The following PIK3R6 variants were observed in gnomAD, a reference collection of about 807,000 sequenced individuals.
The protein encoded by PIK3R6 is phosphoinositide 3-kinase regulatory subunit 6.
A neutral mutation model predicts 84.9 loss-of-function variants in PIK3R6; 91 were observed. The observed-to-expected ratio is 1.07, with a 90% confidence interval of 0.90 to 1.28. PIK3R6 has a LOEUF of 1.28. PIK3R6 is among the 50% of genes most tolerant of loss of function. The pLI is 0.00. For missense variants in PIK3R6, 996 were observed against 985.1 expected, an observed-to-expected ratio of 1.01 and a Z score of -0.15; for synonymous variants, 416 against 411.4, an observed-to-expected ratio of 1.01 and a Z score of -0.13.
At chr17:8,823,892 C>A (rs28480531) in intron 13 of PIK3R6, among the ~76,000 whole-genome samples, 2,493 of 152,262 alleles carry the variant, frequency 0.016, 41 homozygotes, top group African/African-American at 0.04. Flanking sequence ...CTCTATGAGG[C>A]CCGAGTGTCC....
intron 2 of PIK3R6, among the ~76,000 whole-genome samples, chr17:8,841,301 A>G (rs543264222): frequency 6.6e-5 from 10 of 152,270 alleles, no homozygotes; most frequent in Non-Finnish European, 1.3e-4. Context: ...CTTCTTCACT[A>G]GGGCTCAGCC....
chr17:8,858,756 C>T (rs900673230), intron 1 of PIK3R6, among the ~76,000 whole-genome samples: 1 of 152,170 alleles, frequency 6.6e-6, no homozygotes, highest in African/African-American at 2.4e-5. Context: ...ATGTATGATT[C>T]CTCATTTCAG....
At chr17:8,857,463 CCT>C (rs35872435) in intron 1 of PIK3R6, among the ~76,000 whole-genome samples, 37,062 of 151,974 alleles carry the variant, frequency 0.24, 5,277 homozygotes, top group Non-Finnish European at 0.31. Context: ...ACAGAACCCC[CCT>C]CTGTCTTTGT....
rs1021717010 is a variant in PIK3R6, at chr17:8,838,802, T to G, written c.98-147A>C. The G allele has an allele frequency of 4.4e-6, 3 of 684,880 alleles. No homozygotes were observed. In the African/African-American group the frequency reaches 5.4e-5, roughly 12 times the overall value. 42.4% of individuals were successfully genotyped at this position (684,880 alleles called of 1,614,324 possible). A position where few individuals can be genotyped will look rare whatever the true frequency, so the allele number is the denominator to read the frequency against. Reference sequence around the variant, plus strand: ...CCCGCCACCAGCGCTTGGCTCCAGGTGCACCTGGGTGGGCTCCTCCCAAGT... The same window carrying G: ...CCCGCCACCAGCGCTTGGCTCCAGGGGCACCTGGGTGGGCTCCTCCCAAGT... On this transcript the variant is annotated intron_variant, in intron 3 of 19. Coordinates refer to ENST00000619866, the MANE Select transcript of PIK3R6 (RefSeq NM_001010855.4).
intron 1 of PIK3R6, among the ~76,000 whole-genome samples, chr17:8,861,874 A>G (rs2089294999): frequency 1.3e-5 from 2 of 152,246 alleles, no homozygotes; most frequent in South Asian, 4.1e-4. Flanking sequence ...CATCTTAACA[A>G]GGAAAGAAAA....
intron 1 of PIK3R6, 118 bp from the exon 2 acceptor site, chr17:8,850,003 T>A: frequency 7.9e-6 from 4 of 503,638 alleles, no homozygotes; most frequent in Non-Finnish European, 1.0e-5. Flanking sequence ...GAAGTCTAGA[T>A]GTATTTAAGA....
chr17:8,829,371 T>C (rs571475184), intron 10 of PIK3R6, among the ~76,000 whole-genome samples: 15 of 137,508 alleles, frequency 1.1e-4, no homozygotes, highest in African/African-American at 4.3e-4. Context: ...CACACATGCA[T>C]GGATACACAC....
intron 1 of PIK3R6, among the ~76,000 whole-genome samples, chr17:8,863,681 C>T (rs1281712402): frequency 6.6e-6 from 1 of 152,128 alleles, no homozygotes; most frequent in Non-Finnish European, 1.5e-5. Context: ...ACTACAGGTG[C>T]ACACCACCAC....
Position 8,833,756 on chromosome 17 carries a change from G to A in PIK3R6, c.646-711C>T, listed in dbSNP as rs548221196. On this transcript the variant is annotated intron_variant, in intron 8 of 19. Transcript: ENST00000619866. ...GGGGTTTCACCATGTTGGCCAGGAC[G>A]GTCTCGATCTCCTGACCTCATGATC... Among the ~76,000 whole-genome samples the A allele has an allele frequency of 1.0e-3, 154 of 151,818 alleles. 1 individual carries two copies. The highest frequency in any genetic ancestry group is 1.8e-3 in the Non-Finnish European group (121 of 67,908).
intron 9 of PIK3R6, 119 bp downstream of exon 9, chr17:8,832,770 G>A (rs2088294819): frequency 6.7e-6 from 10 of 1,484,516 alleles, no homozygotes; most frequent in South Asian, 6.1e-5. Context: ...CAGGCTCCTG[G>A]GAGTCGGCCA....
At chr17:8,852,252 T>C (rs2088988776) in intron 1 of PIK3R6, among the ~76,000 whole-genome samples, 1 of 152,238 alleles carries the variant, frequency 6.6e-6, no homozygotes, top group South Asian at 2.1e-4. Context: ...CATTGAATTA[T>C]ATACTTAAAA....
At chr17:8,805,897 A>G (rs907143154) in intron 18 of PIK3R6, among the ~76,000 whole-genome samples, 25 of 151,786 alleles carry the variant, frequency 1.6e-4, no homozygotes, top group African/African-American at 6.1e-4. Flanking sequence ...CAGCCCGGGC[A>G]ACAGAATGAG....
intron 7 of PIK3R6, among the ~76,000 whole-genome samples, chr17:8,836,005 C>T (rs895916442): frequency 3.9e-5 from 6 of 152,152 alleles, no homozygotes; most frequent in Non-Finnish European, 8.8e-5. Context: ...CCTTTCAGGG[C>T]CAAGTTAGTG....
chr17:8,808,331 G>A lies in PIK3R6; in HGVS notation c.1996-4178C>T, dbSNP rs79858179. On this transcript the variant is annotated intron_variant, in intron 18 of 19. Transcript: ENST00000619866. ...CTGTCCCTCCATATCTGCATATGTG[G>A]AACCTGCACATACAAAAGGCCAACA... 3.9e-4 allele frequency among the ~76,000 whole-genome samples: 59 copies of A among 152,004 alleles called. 4 individuals carry two copies. In the East Asian group the frequency reaches 0.012, roughly 30 times the overall value.
At chr17:8,829,222 CACA>C (rs2088082447) in intron 10 of PIK3R6, among the ~76,000 whole-genome samples, 2 of 150,508 alleles carry the variant, frequency 1.3e-5, no homozygotes, top group Admixed American at 6.6e-5. Context: ...CAGACACACA[CACA>C]GAGACACACT....
intron 18 of PIK3R6, among the ~76,000 whole-genome samples, chr17:8,810,575 G>C (rs1360159791): frequency 1.3e-5 from 2 of 148,472 alleles, no homozygotes; most frequent in Non-Finnish European, 2.9e-5. Flanking sequence ...AAGCAAGTTA[G>C]TTACTTCCTA....
chr17:8,821,719 A>C (rs901722191), intron 17 of PIK3R6, 127 bp downstream of exon 17: 11 of 1,036,464 alleles, frequency 1.1e-5, no homozygotes, highest in Non-Finnish European at 1.4e-5. Context: ...GCAGTCACCA[A>C]GTCCTGGTCC....
At chr17:8,815,290 G>A (rs955741807) in intron 18 of PIK3R6, among the ~76,000 whole-genome samples, 5 of 152,110 alleles carry the variant, frequency 3.3e-5, no homozygotes, top group Admixed American at 1.3e-4. Flanking sequence ...GGCGGACCAC[G>A]AGGCCAAGAG....
At chr17:8,811,965 C>T (rs1216542678) in intron 18 of PIK3R6, among the ~76,000 whole-genome samples, 1 of 150,892 alleles carries the variant, frequency 6.6e-6, no homozygotes, top group Non-Finnish European at 1.5e-5. Flanking sequence ...CTGATAAAGA[C>T]ATACCTGAGA....
Sources: gnomAD v4.1 joint callset for allele counts (sites outside exome capture counted in the v4.1 genomes callset) on GRCh38, gnomAD v4.1.1 for gene constraint, MANE v1.5 for transcripts, NCBI Gene and HGNC (gene_info 2026-07-23, HGNC 2026-07-21) for gene names.